FBN3: variants seen among roughly 807,000 people sequenced by gnomAD.
FBN3 encodes fibrillin 3.
FBN3 carries 234 observed loss-of-function variants against 330.1 expected under a neutral mutation model. That is an observed-to-expected ratio of 0.71 (90% CI 0.64 to 0.79). FBN3 has a LOEUF of 0.79. Ranked by LOEUF, FBN3 falls within the 30% of genes least tolerant of loss-of-function variation. The probability of loss-of-function intolerance (pLI) is 0.00; values close to 1 mark genes in which losing one functional copy is unlikely to be tolerated. For synonymous variants in FBN3, 1,458 were observed against 1,517.3 expected, an observed-to-expected ratio of 0.96 and a Z score of 0.91; for missense variants, 3,606 against 3,886.9, an observed-to-expected ratio of 0.93 and a Z score of 1.92.
chr19:8,102,766 C>A lies in FBN3; in HGVS notation c.5047G>T (p.Ala1683Ser). ...CAGGCCTCACAGGGTCTATTCCAGG[C>A]CTGGCCAATGTTGTAGGAGCAGCAA... The part of the protein sequence containing the change: ...MCCCSYNIGQ[A>S]WNRPCEACPT... The change falls in exon 40 of 64, where the codon GCC becomes TCC. Residue 1683 changes from alanine (A) to serine (S), a missense_variant. Transcript: ENST00000600128. The A allele has an allele frequency of 6.2e-7, 1 of 1,614,064 alleles. No homozygotes were observed. The highest frequency in any genetic ancestry group is 8.5e-7 in the Non-Finnish European group (1 of 1,180,036).
chr19:8,142,568 T>C (rs533572871), intron 6 of FBN3, among the ~76,000 whole-genome samples: 5 of 152,194 alleles, frequency 3.3e-5, no homozygotes, highest in African/African-American at 1.2e-4. Context: ...TCTGCCTAAA[T>C]TCTCTGGACC....
intron 2 of FBN3, 60 bp downstream of exon 2, chr19:8,147,254 G>C (rs1247766241): frequency 1.3e-6 from 2 of 1,562,594 alleles, no homozygotes; most frequent in East Asian, 4.7e-5. Context: ...GTATTCCGCT[G>C]GCCCCAGGAC....
intron 63 of FBN3, among the ~76,000 whole-genome samples, chr19:8,070,315 A>AT (rs1491150066): frequency 1.3e-5 from 2 of 152,198 alleles, no homozygotes; most frequent in East Asian, 3.8e-4. Context: ...ATAAAAGATG[A>AT]TATGTTTTAC....
chr19:8,119,360 G>A (rs67706801), intron 25 of FBN3, among the ~76,000 whole-genome samples: 29,538 of 152,108 alleles, frequency 0.19, 3,370 homozygotes, highest in South Asian at 0.39. Flanking sequence ...CAGGACTCAG[G>A]GCAGGGAGCA....
chr19:8,094,597 C>T, intron 46 of FBN3, 32 bp from the exon 47 acceptor site: 1 of 1,600,764 alleles, frequency 6.2e-7, no homozygotes, highest in Non-Finnish European at 8.5e-7. Context: ...GTCCTTGTGC[C>T]AGCCAGGATG....
chr19:8,124,930 A>G (rs750493357), intron 22 of FBN3, among the ~76,000 whole-genome samples: 1 of 152,232 alleles, frequency 6.6e-6, no homozygotes, highest in African/African-American at 2.4e-5. Flanking sequence ...AGAATGTCCA[A>G]TACACCAAGG....
rs770519453 is a variant in FBN3, at chr19:8,081,123, C to T, written c.7337-4G>A. ...CGGGAGGTGCATTCGTCCAGGTCTG[C>T]AGCACGGATGGTCCAGCAGGCTCAG... On this transcript the variant is annotated splice_region_variant and splice_polypyrimidine_tract_variant and intron_variant, in intron 58 of 63. Transcript: ENST00000600128. 1.9e-5 allele frequency: 31 copies of T among 1,611,686 alleles called. No individual in the cohort carries two copies. The highest frequency in any genetic ancestry group is 2.5e-5 in the Non-Finnish European group (30 of 1,178,366).
At position 8,117,521 on chromosome 19, in the gene FBN3, AG is replaced by A; in HGVS notation, c.3405del (p.Phe1136SerfsTer52). The A allele has an allele frequency of 6.4e-7, 1 of 1,558,864 alleles. No homozygotes were observed. The highest frequency in any genetic ancestry group is 8.7e-7 in the Non-Finnish European group (1 of 1,150,942). On this transcript the variant is annotated frameshift_variant, in exon 27 of 64. Transcript: ENST00000600128. LOFTEE classifies it high-confidence loss of function. Reference sequence around the variant, plus strand: ...AAGCCGGCATGGCAGGAGCACTGGAAGGCACCGATGACATTGACACACTGGC... The same window carrying A: ...AAGCCGGCATGGCAGGAGCACTGGAAGCACCGATGACATTGACACACTGGC... ...PHGQCVNVIG[A>X]FQCSCHAGFQ...
At chr19:8,078,650 A>G (rs1249686405) in intron 59 of FBN3, among the ~76,000 whole-genome samples, 7 of 151,940 alleles carry the variant, frequency 4.6e-5, no homozygotes, top group Admixed American at 4.6e-4. Context: ...CCTGAGCTGA[A>G]GCAATCCTCC....
Position 8,133,032 on chromosome 19 carries a change from G to T in FBN3, c.1666C>A (p.Leu556Ile), listed in dbSNP as rs774373752. The T allele has an allele frequency of 3.2e-6, 5 of 1,584,940 alleles. No individual in the cohort carries two copies. Residue 556 changes from leucine (L) to isoleucine (I), a missense_variant, in exon 14 of 64, where the codon CTC (leucine) becomes ATC (isoleucine). Coordinates refer to ENST00000600128, the MANE Select transcript of FBN3 (RefSeq NM_032447.5). Reference sequence around the variant, plus strand: ...GCCAGCAGGAAGCCGGGTTTGCAGAGGCAGGAGAAGCTGCCATCCTCGTTG... The same window carrying T: ...GCCAGCAGGAAGCCGGGTTTGCAGATGCAGGAGAAGCTGCCATCCTCGTTG... ...CLNEDGSFSC[L>I]CKPGFLLAPG...
At chr19:8,135,936 G>GGGGCC in intron 13 of FBN3, 25 bp downstream of exon 13, 7 of 668,748 alleles carry the variant, frequency 1.0e-5, no homozygotes, top group Non-Finnish European at 9.6e-6. Flanking sequence ...GGAAGCCCCT[G>GGGGCC]CCCACCCGCC....
At chr19:8,145,299 G>T (rs1568462616) in intron 5 of FBN3, among the ~76,000 whole-genome samples, 4 of 149,792 alleles carry the variant, frequency 2.7e-5, no homozygotes, top group Admixed American at 6.8e-5. Flanking sequence ...GTTCAAACCT[G>T]GGAGGCGGAG....
rs2083075938 is a variant in FBN3 at position 8,129,494 on chromosome 19, C to T, written c.2045-129G>A. The T allele has an allele frequency of 8.1e-7, 1 of 1,230,310 alleles. No individual in the cohort carries two copies. The highest frequency in any genetic ancestry group is 1.1e-6 in the Non-Finnish European group (1 of 883,196). 76.2% of individuals were successfully genotyped at this position (1,230,310 alleles called of 1,614,324 possible). A position where few individuals can be genotyped will look rare whatever the true frequency, so the allele number is the denominator to read the frequency against. On this transcript the variant is annotated intron_variant, in intron 16 of 63. Coordinates refer to ENST00000600128, the MANE Select transcript of FBN3 (RefSeq NM_032447.5). The surrounding 1 kb of genome is among the most constrained non-coding windows in gnomAD (Gnocchi z 4.5). The stretch of plus-strand genomic sequence containing the variant: ...CCCAAGGCCATAGCTCCAGCCCAGA[C>T]CCGGCCTCATTCTGCTCTAAACCGA...
At position 8,131,317 on chromosome 19, in the gene FBN3, G is replaced by A; in HGVS notation, c.1991-29C>T. ...GGGATGGAGGGACAGAGTGAGACGG[G>A]TCAGGGAGCTTAGCCATGGCTCGGA... is the stretch of plus-strand genomic sequence containing the variant. On this transcript the variant is annotated intron_variant, in intron 15 of 63. Transcript: ENST00000600128. This position sits in a 1 kb window ranked among gnomAD's most constrained non-coding sequence, Gnocchi z 4.5. The A allele has an allele frequency of 6.2e-7, 1 of 1,609,038 alleles. No homozygotes were observed. The highest frequency in any genetic ancestry group is 1.1e-5 in the South Asian group (1 of 89,874).
At position 8,121,174 on chromosome 19, in the gene FBN3, A is replaced by T; in HGVS notation, c.3211+84T>A. On this transcript the variant is annotated intron_variant, in intron 25 of 63. Coordinates refer to ENST00000600128, the MANE Select transcript of FBN3 (RefSeq NM_032447.5). The surrounding 1 kb of genome is among the most constrained non-coding windows in gnomAD (Gnocchi z 4.5). ...CTGCCCCCTCCATCCACGTCCACAC[A>T]GCAACAGCCGTCCCCACCCTCCCTC... 7.5e-7 allele frequency: 1 copy of T among 1,341,300 alleles called. No homozygotes were observed. The highest frequency in any genetic ancestry group is 1.5e-5 in the African/African-American group (1 of 68,072). 83.1% of individuals were successfully genotyped at this position (1,341,300 alleles called of 1,614,324 possible). A position where few individuals can be genotyped will look rare whatever the true frequency, so the allele number is the denominator to read the frequency against.
intron 59 of FBN3, among the ~76,000 whole-genome samples, chr19:8,076,278 G>GTGTGTGTGTA (rs1177810942): frequency 3.9e-5 from 6 of 151,930 alleles, no homozygotes; most frequent in African/African-American, 1.4e-4. Flanking sequence ...GTGTGTGTGT[G>GTGTGTGTGTA]TAAGCTATTG....
chr19:8,136,100 AG>A lies in FBN3; in HGVS notation c.1466-15del, dbSNP rs778079172. 83 of 1,613,438 alleles carry A rather than the reference AG, an allele frequency of 5.1e-5. No individual in the cohort carries two copies. Among genetic ancestry groups the A allele is most frequent in the Non-Finnish European group, 6.7e-5 (79 of 1,179,650 alleles). ...ACTCGTCCACATCTGCGGGGAAGGC[AG>A]GCGGGCAGTCAAGAGGTGCTCCCCA... On this transcript the variant is annotated splice_polypyrimidine_tract_variant and intron_variant, in intron 12 of 63. Transcript: ENST00000600128.
In FBN3 at chr19:8,131,801, G is replaced by A. The variant is rs1191586794; in HGVS notation, c.1743C>T (p.Ile581=). The part of the protein sequence containing the change: ...MDIDECQTPG[I]CVNGHCTNTE... ...TGTTGGTACAGTGGCCGTTCACGCA[G>A]ATGCCGGGCGTCTGGCACTCGTCAA... Residue 581 remains isoleucine (I), a synonymous_variant, in exon 15 of 64, where the codon ATC becomes ATT. Transcript: ENST00000600128. The surrounding 1 kb of genome is among the most constrained non-coding windows in gnomAD (Gnocchi z 4.5). 1 of 1,602,800 alleles carries A rather than the reference G, an allele frequency of 6.2e-7. No homozygotes were observed. Among genetic ancestry groups the A allele is most frequent in the East Asian group, 2.2e-5 (1 of 44,580 alleles).
Position 8,142,197 on chromosome 19 carries a change from C to T in FBN3, c.542-60G>A, listed in dbSNP as rs541152486. 4.0e-5 allele frequency: 55 copies of T among 1,361,694 alleles called. No homozygotes were observed. In the Admixed American group the frequency reaches 7.1e-4, roughly 18 times the overall value. The allele number at this position is 1,361,694 out of a possible 1,614,324, so 84.4% of individuals were successfully genotyped here. On this transcript the variant is annotated intron_variant, in intron 6 of 63. Coordinates refer to ENST00000600128, the MANE Select transcript of FBN3 (RefSeq NM_032447.5). Reference sequence around the variant, plus strand: ...GGCTGCCCCTGTCTGGAGATCTCTGCGTCTCTAACACCTTCTCAGCGGCCC... The same window carrying T: ...GGCTGCCCCTGTCTGGAGATCTCTGTGTCTCTAACACCTTCTCAGCGGCCC...
Sources: allele counts gnomAD v4.1 joint callset (sites outside exome capture counted in the v4.1 genomes callset), GRCh38; gene constraint gnomAD v4.1.1; non-coding constraint Gnocchi (gnomAD v3.1); transcripts MANE v1.5; gene names NCBI Gene and HGNC (gene_info 2026-07-23, HGNC 2026-07-21).